The following CACNA1C variants were observed in gnomAD, a reference collection of about 807,000 sequenced individuals.
CACNA1C encodes the protein calcium voltage-gated channel subunit alpha1 C, also known as voltage-dependent L-type calcium channel subunit alpha-1C.
Under a neutral mutation model 229.0 loss-of-function variants are expected in CACNA1C, and 30 were observed. That is an observed-to-expected ratio of 0.13 (90% CI 0.10 to 0.18). CACNA1C has a LOEUF of 0.18. CACNA1C is among the 10% of genes least tolerant of loss of function. The pLI is 1.00. For missense variants in CACNA1C, 1,658 were observed against 2,845.0 expected, an observed-to-expected ratio of 0.58 and a Z score of 9.49; for synonymous variants, 1,114 against 1,132.5, an observed-to-expected ratio of 0.98 and a Z score of 0.33.
At chr12:2,204,631 G>A (rs375112924) in intron 3 of CACNA1C, among the ~76,000 whole-genome samples, 53 of 151,246 alleles carry the variant, frequency 3.5e-4, no homozygotes, top group South Asian at 8.5e-4. Context: ...TGATGAGTTC[G>A]TGTCCTTTGT....
intron 4 of CACNA1C, among the ~76,000 whole-genome samples, chr12:2,456,601 C>T (rs2099426028): frequency 6.6e-6 from 1 of 152,216 alleles, no homozygotes; most frequent in Non-Finnish European, 1.5e-5. Context: ...TACCTGCTTC[C>T]TCTGCCTGGA....
Position 2,053,794 on chromosome 12 carries a change from C to T in CACNA1C, c.49+183C>T, listed in dbSNP as rs1393422995. On this transcript the variant is annotated intron_variant, in intron 1 of 46. Transcript: ENST00000399655. This position sits in a 1 kb window ranked among gnomAD's most constrained non-coding sequence, Gnocchi z 5.8. ...CCGGCGGGACCGGGGCCCGAACCGC[C>T]GCGCGAGACGGAGCGGAAAATTCCC... Among the ~76,000 whole-genome samples, 1 of 150,622 alleles carries T rather than the reference C, an allele frequency of 6.6e-6. No individual in the cohort carries two copies. The highest frequency in any genetic ancestry group is 6.6e-5 in the Admixed American group (1 of 15,152).
At chr12:2,247,917 G>T (rs537944446) in intron 3 of CACNA1C, among the ~76,000 whole-genome samples, 1 of 152,152 alleles carries the variant, frequency 6.6e-6, no homozygotes. Context: ...CACTGCAGAG[G>T]GGGGACAGGT....
chr12:2,406,783 T>A (rs1405201037), intron 3 of CACNA1C, among the ~76,000 whole-genome samples: 2 of 152,230 alleles, frequency 1.3e-5, no homozygotes, highest in Non-Finnish European at 2.9e-5. Context: ...GTCATCCAAG[T>A]GCCTTTTCTC....
At chr12:2,055,542 C>T (rs1296952517) in intron 1 of CACNA1C, among the ~76,000 whole-genome samples, 1 of 152,152 alleles carries the variant, frequency 6.6e-6, no homozygotes, top group Non-Finnish European at 1.5e-5. Context: ...GGCCCCTTTG[C>T]CTCTCAGCAT....
chr12:2,678,221 T>C lies in CACNA1C; in HGVS notation c.5091+354T>C, dbSNP rs2096921820. Among the ~76,000 whole-genome samples the C allele has an allele frequency of 6.6e-6, 1 of 152,330 alleles. No homozygotes were observed. The highest frequency in any genetic ancestry group is 1.9e-4 in the East Asian group (1 of 5,178). Reference sequence around the variant, plus strand: ...TCTGCAGGCTTGTTTTGTTTGTTAATATTTGAAAATCAAGACTTCTGGCAT... The same window carrying C: ...TCTGCAGGCTTGTTTTGTTTGTTAACATTTGAAAATCAAGACTTCTGGCAT... On this transcript the variant is annotated intron_variant, in intron 41 of 46. Coordinates refer to ENST00000399655, the MANE Select transcript of CACNA1C (RefSeq NM_000719.7). This position sits in a 1 kb window ranked among gnomAD's most constrained non-coding sequence, Gnocchi z 4.1.
At chr12:2,450,374 G>A (rs570757972) in intron 4 of CACNA1C, among the ~76,000 whole-genome samples, 8 of 151,574 alleles carry the variant, frequency 5.3e-5, no homozygotes, top group Non-Finnish European at 7.4e-5. Context: ...CTAACACGGT[G>A]AAACCCCGTC....
intron 34 of CACNA1C, among the ~76,000 whole-genome samples, chr12:2,656,981 A>C (rs758924335): frequency 2.0e-5 from 3 of 152,224 alleles, no homozygotes; most frequent in Non-Finnish European, 4.4e-5. Context: ...GGAAAAATGT[A>C]TTTTTGAATC....
chr12:2,175,118 T>C (rs907414801), intron 3 of CACNA1C, among the ~76,000 whole-genome samples: 2 of 152,150 alleles, frequency 1.3e-5, no homozygotes, highest in African/African-American at 4.8e-5. Context: ...AAAAAATATA[T>C]ATCACCAAAT....
intron 1 of CACNA1C, among the ~76,000 whole-genome samples, chr12:2,066,116 A>G (rs989127020): frequency 6.6e-6 from 1 of 152,106 alleles, no homozygotes; most frequent in Non-Finnish European, 1.5e-5. Flanking sequence ...GGCTGTTGCC[A>G]CTGTCCAGGC....
At chr12:2,315,594 C>A (rs1456402800) in intron 3 of CACNA1C, among the ~76,000 whole-genome samples, 2 of 152,228 alleles carry the variant, frequency 1.3e-5, no homozygotes, top group Non-Finnish European at 2.9e-5. Context: ...CGCCCCGTGC[C>A]TCCCACAGAG....
chr12:2,368,731 C>T (rs377015549), intron 3 of CACNA1C, among the ~76,000 whole-genome samples: 1 of 152,112 alleles, frequency 6.6e-6, no homozygotes, highest in Non-Finnish European at 1.5e-5. Context: ...TAATCAACAG[C>T]CCAGGGTGTA....
At position 2,280,155 on chromosome 12, in the gene CACNA1C, G is replaced by A. The variant is rs531309748; in HGVS notation, c.477+159725G>A. Among the ~76,000 whole-genome samples, 4 of 149,506 alleles carry A rather than the reference G, an allele frequency of 2.7e-5. No individual in the cohort carries two copies. The South Asian group carries it at 6.3e-4, about 24-fold the overall frequency. Reference sequence around the variant, plus strand: ...CGGTTTAACCTCTTGATACTTTGCTGTGCTTCGGTTTAACCTCTTGATACT... The same window carrying A: ...CGGTTTAACCTCTTGATACTTTGCTATGCTTCGGTTTAACCTCTTGATACT... On this transcript the variant is annotated intron_variant, in intron 3 of 46. Transcript: ENST00000399655.
intron 13 of CACNA1C, 111 bp downstream of exon 13, chr12:2,567,905 G>T (rs2052062789): frequency 4.7e-6 from 3 of 632,962 alleles, no homozygotes; most frequent in South Asian, 2.0e-5. Context: ...TCCTCAAAGG[G>T]TGTCTCTGAA....
chr12:2,691,228 T>C lies in CACNA1C; in HGVS notation c.*29T>C, dbSNP rs374635690. ...GCGCTGCCAGATGCGGGCTTTTTTT[T>C]ATTTGTTTCAATGTTCCTAATGGGT... is the stretch of plus-strand genomic sequence containing the variant. On this transcript the variant is annotated 3_prime_UTR_variant, in exon 47 of 47. Coordinates refer to ENST00000399655, the MANE Select transcript of CACNA1C (RefSeq NM_000719.7). 1 of 1,513,214 alleles carries C rather than the reference T, an allele frequency of 6.6e-7. No individual in the cohort carries two copies. Among genetic ancestry groups the C allele is most frequent in the East Asian group, 2.3e-5 (1 of 43,826 alleles). The allele number at this position is 1,513,214 out of a possible 1,614,324, so 93.7% of individuals were successfully genotyped here.
chr12:2,232,685 G>A (rs2065805217), intron 3 of CACNA1C, among the ~76,000 whole-genome samples: 1 of 152,054 alleles, frequency 6.6e-6, no homozygotes, highest in Non-Finnish European at 1.5e-5. Context: ...GGCTAATTAT[G>A]ATTTTTCTAT....
intron 3 of CACNA1C, among the ~76,000 whole-genome samples, chr12:2,267,725 G>A (rs986697862): frequency 9.9e-5 from 15 of 152,210 alleles, no homozygotes; most frequent in Non-Finnish European, 1.5e-5. Context: ...CCAGGCAGCT[G>A]CACTCAGCTT....
chr12:2,326,723 A>G (rs1269879844), intron 3 of CACNA1C, among the ~76,000 whole-genome samples: 1 of 152,214 alleles, frequency 6.6e-6, no homozygotes, highest in Non-Finnish European at 1.5e-5. Context: ...GCCTGGCTGC[A>G]TTGATCAGCC....
intron 19 of CACNA1C, among the ~76,000 whole-genome samples, chr12:2,593,717 C>T (rs1316182227): frequency 6.6e-6 from 1 of 152,296 alleles, no homozygotes; most frequent in East Asian, 1.9e-4. Flanking sequence ...ATGGAATTGT[C>T]GTTAGTATTT....
Sources: gnomAD v4.1 joint callset for allele counts (sites outside exome capture counted in the v4.1 genomes callset) on GRCh38, gnomAD v4.1.1 for gene constraint, Gnocchi (gnomAD v3.1) non-coding constraint, MANE v1.5 for transcripts, NCBI Gene and HGNC (gene_info 2026-07-23, HGNC 2026-07-21) for gene names.